RASGEF1A: variants seen among roughly 807,000 people sequenced by gnomAD.
The protein encoded by RASGEF1A is ras-GEF domain-containing family member 1A.
A neutral mutation model predicts 56.4 loss-of-function variants in RASGEF1A; 18 were observed. The observed-to-expected ratio is 0.32, with a 90% CI of 0.22 to 0.47. The LOEUF is 0.47. RASGEF1A is among the 20% of genes least tolerant of loss of function. RASGEF1A has a pLI of 1.00. For synonymous variants in RASGEF1A, 245 were observed against 242.6 expected (o/e 1.01, Z -0.09); for missense variants, 422 against 627.1 (o/e 0.67, Z 3.49).
chr10:43,207,803 T>C, intron 1 of RASGEF1A: 1 of 700,198 alleles, frequency 1.4e-6, no homozygotes, highest in Non-Finnish European at 1.8e-6. Flanking sequence ...CGCTCTCCAC[T>C]CCAGCCCAGG....
rs1452207062 is a variant in RASGEF1A, at chr10:43,266,650, C to T, written c.-7+195G>A. On this transcript the variant is annotated intron_variant, in intron 1 of 12. Coordinates refer to ENST00000395810, the MANE Select transcript of RASGEF1A (RefSeq NM_145313.4). Reference sequence around the variant, plus strand: ...CGGAGTTCTCAGCAACTCCGCGCGCCGGGATCCCGGCCGCCCTCCCCGCGC... The same window carrying T: ...CGGAGTTCTCAGCAACTCCGCGCGCTGGGATCCCGGCCGCCCTCCCCGCGC... Among the ~76,000 whole-genome samples the T allele has an allele frequency of 7.4e-5, 11 of 147,782 alleles. No individual in the cohort carries two copies. In the East Asian group the frequency reaches 2.2e-3, roughly 29 times the overall value.
At chr10:43,248,055 A>T (rs1444711026) in intron 1 of RASGEF1A, among the ~76,000 whole-genome samples, 1,345 of 11,888 alleles carry the variant, frequency 0.11, 28 homozygotes, top group African/African-American at 0.22. Context: ...AAATAAGATT[A>T]AAAAAAAAAA....
At chr10:43,207,651 G>T in intron 1 of RASGEF1A, 2 of 985,552 alleles carry the variant, frequency 2.0e-6, no homozygotes, top group Non-Finnish European at 2.4e-6. Flanking sequence ...GGACAGGGAG[G>T]TCATGGCTCA....
In RASGEF1A at chr10:43,242,742, G is replaced by T. The variant is rs531094771; in HGVS notation, c.-7+24103C>A. Among the ~76,000 whole-genome samples, 8 of 152,176 alleles carry T rather than the reference G, an allele frequency of 5.3e-5. No individual in the cohort carries two copies. In the East Asian group the frequency reaches 1.6e-3, roughly 30 times the overall value. ...CAGACAGGGTTTCGCTGTGTTGACCGGGCTGGTTTCCAGCTCCTGGCCTCG... is the reference window on the plus strand; with the variant it reads ...CAGACAGGGTTTCGCTGTGTTGACCTGGCTGGTTTCCAGCTCCTGGCCTCG... On this transcript the variant is annotated intron_variant, in intron 1 of 12. Transcript: ENST00000395810.
chr10:43,260,547 G>T (rs1477378467), intron 1 of RASGEF1A, among the ~76,000 whole-genome samples: 1 of 152,190 alleles, frequency 6.6e-6, no homozygotes, highest in East Asian at 1.9e-4. Context: ...CCACGGGCAG[G>T]GCCAAGTGGC....
chr10:43,262,538 C>T (rs776969638), intron 1 of RASGEF1A, among the ~76,000 whole-genome samples: 1 of 152,254 alleles, frequency 6.6e-6, no homozygotes. Flanking sequence ...ACACCATGCA[C>T]GGTGGCTCAG....
At chr10:43,257,799 CT>C (rs1235180909) in intron 1 of RASGEF1A, among the ~76,000 whole-genome samples, 1 of 152,234 alleles carries the variant, frequency 6.6e-6, no homozygotes, top group African/African-American at 2.4e-5. Context: ...GGGTTCTCCC[CT>C]GGGCTCCCAC....
Position 43,240,352 on chromosome 10 carries a change from A to C in RASGEF1A, c.-7+26493T>G, listed in dbSNP as rs1386821267. Among the ~76,000 whole-genome samples, 3 of 152,254 alleles carry C rather than the reference A, an allele frequency of 2.0e-5. No individual in the cohort carries two copies. In the East Asian group the frequency reaches 5.8e-4, roughly 29 times the overall value. Reference sequence around the variant, plus strand: ...ATTACTACAATAAACAGCAGCAACAACAAACCCCAAAGAGTGGGGAGAATC... The same window carrying C: ...ATTACTACAATAAACAGCAGCAACACCAAACCCCAAAGAGTGGGGAGAATC... On this transcript the variant is annotated intron_variant, in intron 1 of 12. Transcript: ENST00000395810.
At chr10:43,254,736 G>A (rs1270760031) in intron 1 of RASGEF1A, among the ~76,000 whole-genome samples, 1 of 152,180 alleles carries the variant, frequency 6.6e-6, no homozygotes, top group African/African-American at 2.4e-5. Flanking sequence ...TAGCTCAGAG[G>A]TAAAACGGGT....
intron 1 of RASGEF1A, among the ~76,000 whole-genome samples, chr10:43,226,420 G>T (rs915398375): frequency 5.3e-5 from 8 of 152,014 alleles, no homozygotes; most frequent in Non-Finnish European, 8.8e-5. Flanking sequence ...TGGGCAACAG[G>T]AGCAAAACTC....
rs774746267 is a variant in RASGEF1A, at chr10:43,198,241, C to T, written c.1033-46G>A. ...TGGTGAGCATCACAGCCCCATGCCCCTCCGACCTGCTCCAGATGCCCCTCT... is the reference window on the plus strand; with the variant it reads ...TGGTGAGCATCACAGCCCCATGCCCTTCCGACCTGCTCCAGATGCCCCTCT... On this transcript the variant is annotated intron_variant, in intron 9 of 12. Transcript: ENST00000395810. 7.4e-6 allele frequency: 11 copies of T among 1,489,468 alleles called. 1 individual carries two copies. In the South Asian group the frequency reaches 1.2e-4, roughly 17 times the overall value. The allele number at this position is 1,489,468 out of a possible 1,614,324, so 92.3% of individuals were successfully genotyped here.
In RASGEF1A at chr10:43,196,354, C is replaced by A; in HGVS notation, c.1422-86G>T. The stretch of plus-strand genomic sequence containing the variant: ...TCCTCAGCCTCCCACCAAACATGCA[C>A]CAGGGACCCTGGACCAGGGACGCGG... On this transcript the variant is annotated intron_variant, in intron 12 of 12. Transcript: ENST00000395810. The surrounding 1 kb of genome is among the most constrained non-coding windows in gnomAD (Gnocchi z 4.6). 6.3e-7 allele frequency: 1 copy of A among 1,577,760 alleles called. No individual in the cohort carries two copies. The highest frequency in any genetic ancestry group is 8.7e-7 in the Non-Finnish European group (1 of 1,148,570).
chr10:43,250,962 C>T (rs1363061790), intron 1 of RASGEF1A, among the ~76,000 whole-genome samples: 1 of 152,192 alleles, frequency 6.6e-6, no homozygotes, highest in Non-Finnish European at 1.5e-5. Context: ...TGCCCAGGGC[C>T]AGGCAGAGGC....
At chr10:43,227,264 TC>T (rs1422500050) in intron 1 of RASGEF1A, among the ~76,000 whole-genome samples, 2 of 151,992 alleles carry the variant, frequency 1.3e-5, no homozygotes, top group African/African-American at 4.8e-5. Flanking sequence ...TGAGACTCTC[TC>T]CCCCAGGCAG....
At chr10:43,259,261 C>A (rs1262148249) in intron 1 of RASGEF1A, among the ~76,000 whole-genome samples, 2 of 152,204 alleles carry the variant, frequency 1.3e-5, no homozygotes, top group Admixed American at 1.3e-4. Context: ...CCCCAGGGAC[C>A]AGCTGAGGGC....
At chr10:43,200,330 A>T (rs1839873867) in intron 5 of RASGEF1A, 74 bp from the exon 6 acceptor site, 7 of 1,350,586 alleles carry the variant, frequency 5.2e-6, no homozygotes, top group Middle Eastern at 1.8e-4. Context: ...AGGCATGCGG[A>T]CAGGGAGAGG....
rs1422606960 is a variant in RASGEF1A at position 43,194,850 on chromosome 10, TC to T, written c.*1393del. ...AGCAATATGTACTATCAATATACAATCTGTACTAGCTAGAACCTCAGAAAGT... is the reference window on the plus strand; with the variant it reads ...AGCAATATGTACTATCAATATACAATTGTACTAGCTAGAACCTCAGAAAGT... On this transcript the variant is annotated 3_prime_UTR_variant, in exon 13 of 13. Coordinates refer to ENST00000395810, the MANE Select transcript of RASGEF1A (RefSeq NM_145313.4). 2 of 152,652 alleles carry T rather than the reference TC, an allele frequency of 1.3e-5. No homozygotes were observed. The highest frequency in any genetic ancestry group is 2.9e-5 in the Non-Finnish European group (2 of 68,052). The allele number at this position is 152,652 out of a possible 1,614,324, so 9.5% of individuals were successfully genotyped here.
chr10:43,242,679 C>G (rs922399549), intron 1 of RASGEF1A, among the ~76,000 whole-genome samples: 2 of 152,048 alleles, frequency 1.3e-5, no homozygotes, highest in Non-Finnish European at 1.5e-5. Flanking sequence ...ATTCCAGGCA[C>G]GCGCCGCCAC....
intron 1 of RASGEF1A, among the ~76,000 whole-genome samples, chr10:43,250,365 A>G (rs1467436589): frequency 6.6e-6 from 1 of 152,202 alleles, no homozygotes; most frequent in Non-Finnish European, 1.5e-5. Context: ...ACCACCTCCC[A>G]GGTCCATATG....
Sources: gnomAD v4.1 joint callset for allele counts (sites outside exome capture counted in the v4.1 genomes callset) on GRCh38, gnomAD v4.1.1 for gene constraint, Gnocchi (gnomAD v3.1) non-coding constraint, MANE v1.5 for transcripts, NCBI Gene and HGNC (gene_info 2026-07-23, HGNC 2026-07-21) for gene names.